The following RAD51B variants were observed in gnomAD, a reference collection of about 807,000 sequenced individuals.
RAD51B encodes RAD51 paralog B.
In RAD51B, 38 loss-of-function variants were observed where a neutral mutation model predicts 42.2. That is an observed-to-expected ratio of 0.90 (90% CI 0.70 to 1.18). The LOEUF (loss-of-function observed/expected upper bound fraction) is 1.18. Among genes scored for constraint, RAD51B ranks in the 50% most tolerant of loss-of-function variants. The probability of loss-of-function intolerance (pLI) is 0.00; values close to 1 mark genes in which losing one functional copy is unlikely to be tolerated. For synonymous variants in RAD51B, 154 were observed against 145.2 expected (o/e 1.06, Z -0.43); for missense variants, 373 against 400.7 (o/e 0.93, Z 0.59).
chr14:67,923,444 C>G (rs2044399366), intron 7 of RAD51B, among the ~76,000 whole-genome samples: 1 of 151,862 alleles, frequency 6.6e-6, no homozygotes, highest in Non-Finnish European at 1.5e-5. Flanking sequence ...GGATTACAGT[C>G]ATGTGCCACC....
chr14:68,338,732 C>G lies in RAD51B; in HGVS notation c.853+46752C>G, dbSNP rs541317491. On this transcript the variant is annotated intron_variant, in intron 8 of 10. Coordinates refer to ENST00000471583, the MANE Select transcript of RAD51B (RefSeq NM_133510.4). ...AGAAAACTCAACAGTGTACATTTAACCCAGTTCAGTGGCAAAGTTCTTTAA... is the reference window on the plus strand; with the variant it reads ...AGAAAACTCAACAGTGTACATTTAAGCCAGTTCAGTGGCAAAGTTCTTTAA... 4 of 408,200 alleles carry G rather than the reference C, an allele frequency of 9.8e-6. No individual in the cohort carries two copies. The Admixed American group carries it at 1.3e-4, about 13-fold the overall frequency. 25.3% of individuals were successfully genotyped at this position (408,200 alleles called of 1,614,324 possible).
intron 9 of RAD51B, among the ~76,000 whole-genome samples, chr14:68,416,124 A>T (rs996943848): frequency 2.0e-5 from 3 of 152,212 alleles, no homozygotes; most frequent in African/African-American, 7.2e-5. Flanking sequence ...GCTGATCCAC[A>T]CTTGAATCTG....
intron 7 of RAD51B, among the ~76,000 whole-genome samples, chr14:68,090,182 T>C (rs1405285022): frequency 1.3e-5 from 2 of 152,214 alleles, no homozygotes; most frequent in Non-Finnish European, 2.9e-5. Flanking sequence ...TATCAAGAGC[T>C]TGGAGTACTC....
At chr14:68,350,579 A>G (rs1297875396) in intron 8 of RAD51B, among the ~76,000 whole-genome samples, 2 of 152,250 alleles carry the variant, frequency 1.3e-5, no homozygotes, top group South Asian at 4.1e-4. Flanking sequence ...CCACTGAAAT[A>G]TCGTGTGTGG....
At chr14:68,599,308 G>A (rs979460954), downstream of RAD51B, among the ~76,000 whole-genome samples, 16 of 152,128 alleles carry the variant, frequency 1.1e-4, no homozygotes, top group Admixed American at 9.2e-4. Flanking sequence ...AACTCATTTC[G>A]TAAACACCAA....
chr14:68,409,895 A>G (rs2084373933), intron 8 of RAD51B, among the ~76,000 whole-genome samples: 1 of 152,216 alleles, frequency 6.6e-6, no homozygotes, highest in Admixed American at 6.5e-5. Context: ...AACTGAGGTT[A>G]CCCCAAATTT....
intron 4 of RAD51B, among the ~76,000 whole-genome samples, chr14:67,835,582 A>G (rs2041214028): frequency 6.7e-6 from 1 of 149,852 alleles, no homozygotes. Context: ...TATGTCATAT[A>G]TGTAATATGT....
chr14:68,117,215 T>C (rs1426163656), intron 7 of RAD51B, among the ~76,000 whole-genome samples: 1 of 152,196 alleles, frequency 6.6e-6, no homozygotes, highest in Admixed American at 6.5e-5. Context: ...TATATATTCA[T>C]ATAGTTTTAT....
At chr14:68,486,076 G>C (rs1274652877) in intron 10 of RAD51B, among the ~76,000 whole-genome samples, 1 of 152,182 alleles carries the variant, frequency 6.6e-6, no homozygotes, top group Non-Finnish European at 1.5e-5. Flanking sequence ...TCAAATTTCA[G>C]TCTGCCCATA....
At chr14:68,125,739 T>TTTTTG (rs966993868) in intron 7 of RAD51B, among the ~76,000 whole-genome samples, 2 of 148,494 alleles carry the variant, frequency 1.3e-5, no homozygotes, top group Non-Finnish European at 2.9e-5. Flanking sequence ...ATTTAAGAGG[T>TTTTTG]TTTTGTTTTG....
chr14:68,325,964 G>T (rs1303037270), intron 8 of RAD51B, among the ~76,000 whole-genome samples: 1 of 151,062 alleles, frequency 6.6e-6, no homozygotes, highest in Admixed American at 6.6e-5. Context: ...TGCTGTTGAG[G>T]TGCTTAGTTG....
chr14:68,179,318 T>A (rs2079017005), intron 7 of RAD51B, among the ~76,000 whole-genome samples: 2 of 152,156 alleles, frequency 1.3e-5, no homozygotes, highest in Admixed American at 1.3e-4. Flanking sequence ...AAGAATCTGA[T>A]TGGGATAAAA....
chr14:68,399,432 T>C (rs1276430300), intron 8 of RAD51B, among the ~76,000 whole-genome samples: 3 of 152,014 alleles, frequency 2.0e-5, no homozygotes. Context: ...AATTTTTTAG[T>C]AGTTTTGGTA....
chr14:68,648,388 T>C (rs1019684668), intron 10 of RAD51B, among the ~76,000 whole-genome samples: 1 of 147,214 alleles, frequency 6.8e-6, no homozygotes, highest in Non-Finnish European at 1.5e-5. Context: ...ATTTTGTATC[T>C]CATCCTTTAA....
chr14:68,442,675 G>C (rs1401371164), intron 9 of RAD51B, among the ~76,000 whole-genome samples: 1 of 151,836 alleles, frequency 6.6e-6, no homozygotes, highest in Non-Finnish European at 1.5e-5. Flanking sequence ...TCTTGAGCTT[G>C]TGATCCGCCC....
At chr14:68,274,934 C>G (rs2139600530) in intron 7 of RAD51B, among the ~76,000 whole-genome samples, 1 of 152,216 alleles carries the variant, frequency 6.6e-6, no homozygotes, top group East Asian at 1.9e-4. Context: ...GGTGCTAGTA[C>G]TTCCTATTTT....
Position 68,477,913 on chromosome 14 carries a change from G to C in RAD51B, c.*249G>C. On this transcript the variant is annotated 3_prime_UTR_variant, in exon 11 of 11. Coordinates refer to ENST00000471583, the MANE Select transcript of RAD51B (RefSeq NM_133510.4). ...AGGGCTGAGGGCTTTGCCGCCATGGGATGTCAACAGCCATAATAATAATTT... is the reference window on the plus strand; with the variant it reads ...AGGGCTGAGGGCTTTGCCGCCATGGCATGTCAACAGCCATAATAATAATTT... The C allele has an allele frequency of 7.8e-7, 1 of 1,289,650 alleles. No homozygotes were observed. Among genetic ancestry groups the C allele is most frequent in the Non-Finnish European group, 9.8e-7 (1 of 1,019,082 alleles). The allele number at this position is 1,289,650 out of a possible 1,614,324, so 79.9% of individuals were successfully genotyped here. A position where few individuals can be genotyped will look rare whatever the true frequency, so the allele number is the denominator to read the frequency against.
At chr14:67,950,001 A>G (rs918465989) in intron 7 of RAD51B, among the ~76,000 whole-genome samples, 14 of 152,168 alleles carry the variant, frequency 9.2e-5, no homozygotes, top group Non-Finnish European at 1.3e-4. Context: ...TCCAGACCTT[A>G]TTGTTCCATT....
intron 9 of RAD51B, among the ~76,000 whole-genome samples, chr14:68,417,546 T>C (rs750993121): frequency 6.6e-6 from 1 of 152,156 alleles, no homozygotes; most frequent in Non-Finnish European, 1.5e-5. Flanking sequence ...AATGGTGGCA[T>C]TAAAAGAATC....
Sources: gnomAD v4.1 joint callset for allele counts (sites outside exome capture counted in the v4.1 genomes callset) on GRCh38, gnomAD v4.1.1 for gene constraint, MANE v1.5 for transcripts, NCBI Gene and HGNC (gene_info 2026-07-23, HGNC 2026-07-21) for gene names.